TRIM14: variants seen among roughly 807,000 people sequenced by gnomAD.
TRIM14 encodes tripartite motif-containing protein 14.
In TRIM14, 28 loss-of-function variants were observed where a neutral mutation model predicts 44.5. That is an observed-to-expected ratio of 0.63 (90% CI 0.47 to 0.86). The LOEUF (loss-of-function observed/expected upper bound fraction) is 0.86. Among genes scored for constraint, TRIM14 ranks in the 40% least tolerant of loss-of-function variants. TRIM14 has a pLI of 0.00. For missense variants in TRIM14, 607 were observed against 611.1 expected (o/e 0.99, Z 0.07); for synonymous variants, 299 against 269.2 (o/e 1.11, Z -1.08).
chr9:98,108,765 T>G (rs952855424), intron 2 of TRIM14, among the ~76,000 whole-genome samples: 1 of 151,924 alleles, frequency 6.6e-6, no homozygotes, highest in Non-Finnish European at 1.5e-5. Flanking sequence ...GAATGGACTT[T>G]AGGCAAATGT....
At chr9:98,109,081 A>T (rs900039732) in intron 2 of TRIM14, among the ~76,000 whole-genome samples, 31 of 152,064 alleles carry the variant, frequency 2.0e-4, no homozygotes, top group African/African-American at 7.2e-4. Flanking sequence ...TGGGAGTCTC[A>T]CTATCTTGCC....
chr9:98,067,727 T>C (rs9918964), downstream of TRIM14, among the ~76,000 whole-genome samples: 266 of 150,692 alleles, frequency 1.8e-3, 3 homozygotes, highest in African/African-American at 6.3e-3. Flanking sequence ...TTCACTTTCT[T>C]TTTTTTTTGT....
At chr9:98,049,211 G>A in the TRIM14 span, among the ~76,000 whole-genome samples, 48 of 151,460 alleles carry the variant, frequency 3.2e-4, 1 homozygote, top group East Asian at 5.4e-3. Context: ...GCGTGGTAGC[G>A]CATGCCTGTA....
At chr9:98,056,852 G>C in the TRIM14 span, 1 of 1,612,236 alleles carries the variant, frequency 6.2e-7, no homozygotes, top group South Asian at 1.1e-5. Flanking sequence ...TGGGTGGGCG[G>C]GCAACACCCG....
chr9:98,048,488 A>G, the TRIM14 span, among the ~76,000 whole-genome samples: 2 of 152,230 alleles, frequency 1.3e-5, no homozygotes, highest in Non-Finnish European at 2.9e-5. Flanking sequence ...ATGTTTATAT[A>G]AAAGAGCTCT....
At chr9:98,090,842 G>A (rs984475277) in intron 5 of TRIM14, among the ~76,000 whole-genome samples, 6 of 152,154 alleles carry the variant, frequency 3.9e-5, no homozygotes, top group Non-Finnish European at 7.3e-5. Context: ...GGGATTACAG[G>A]TGTGAGCCAC....
intron 1 of TRIM14, among the ~76,000 whole-genome samples, chr9:98,111,807 G>A (rs1252761970): frequency 3.3e-5 from 5 of 151,636 alleles, no homozygotes; most frequent in East Asian, 2.0e-4. Flanking sequence ...GCATGGTGGC[G>A]CATGCCTGTA....
chr9:98,094,637 G>A (rs1292339094), intron 4 of TRIM14, among the ~76,000 whole-genome samples: 1 of 152,214 alleles, frequency 6.6e-6, no homozygotes, highest in African/African-American at 2.4e-5. Context: ...GCAATCTGAG[G>A]GGCAGAAGCA....
chr9:98,057,036 A>C, the TRIM14 span: 1 of 1,410,084 alleles, frequency 7.1e-7, no homozygotes. Context: ...GCGGCTGGGT[A>C]CCCTGGTCCG....
chr9:98,116,827 G>C (rs1242092539), intron 1 of TRIM14, among the ~76,000 whole-genome samples: 1 of 144,840 alleles, frequency 6.9e-6, no homozygotes, highest in Non-Finnish European at 1.5e-5. Flanking sequence ...CTGGGTGACA[G>C]AGTGAGACCC....
chr9:98,066,692 C>T (rs1829158743), downstream of TRIM14, among the ~76,000 whole-genome samples: 3 of 151,844 alleles, frequency 2.0e-5, no homozygotes, highest in Non-Finnish European at 4.4e-5. Flanking sequence ...GCTCTATTGC[C>T]CAGGCTGGAG....
In TRIM14 at chr9:98,095,262, TC is replaced by T. The variant is rs1826145270; in HGVS notation, c.538-234del. Among the ~76,000 whole-genome samples the T allele has an allele frequency of 6.6e-6, 1 of 152,178 alleles. No homozygotes were observed. The highest frequency in any genetic ancestry group is 2.4e-5 in the African/African-American group (1 of 41,428). ...GTTTTTCAGTGCTGGCACTGGGGAT[TC>T]CTCCCTCTCCATCCTTCCTCCTTTC... is the stretch of plus-strand genomic sequence containing the variant. On this transcript the variant is annotated intron_variant, in intron 3 of 5. Transcript: ENST00000341469. This position sits in a 1 kb window ranked among gnomAD's most constrained non-coding sequence, Gnocchi z 4.1.
chr9:98,061,270 A>C, the TRIM14 span: 1 of 396,272 alleles, frequency 2.5e-6, no homozygotes, highest in South Asian at 2.9e-5. Context: ...TGAGGTCAGG[A>C]GTTCGAGACC....
downstream of TRIM14, among the ~76,000 whole-genome samples, chr9:98,067,771 G>A (rs1401084140): frequency 6.6e-6 from 1 of 151,760 alleles, no homozygotes; most frequent in Non-Finnish European, 1.5e-5. Context: ...CCAGGCTGGA[G>A]TGCAGAGTGG....
At chr9:98,078,745 G>T (rs1004367864) in intron 6 of TRIM14, among the ~76,000 whole-genome samples, 3 of 149,398 alleles carry the variant, frequency 2.0e-5, no homozygotes, top group Non-Finnish European at 4.4e-5. Context: ...TGAGGCAGGA[G>T]AATCGCTTGA....
At chr9:98,065,169 G>A (rs182983671), downstream of TRIM14, among the ~76,000 whole-genome samples, 13 of 152,208 alleles carry the variant, frequency 8.5e-5, no homozygotes, top group Admixed American at 2.6e-4. Context: ...CCTTCTGGGC[G>A]TACTCACAGC....
chr9:98,087,902 G>A lies in TRIM14; in HGVS notation c.897C>T (p.Pro299=). 6.4e-7 allele frequency: 1 copy of A among 1,569,678 alleles called. No individual in the cohort carries two copies. Among genetic ancestry groups the A allele is most frequent in the Non-Finnish European group, 8.6e-7 (1 of 1,168,044 alleles). Residue 299 remains proline (P), a synonymous_variant, in exon 6 of 6, where the codon CCC becomes CCT. Transcript: ENST00000341469. ...VRCGLLGSLG[P]VPVLRFDALW... is the part of the protein sequence containing the mutation. ...GCGCGTCGAACCGCAGCACGGGCAC[G>A]GGCCCCAGGCTGCCCAGCAGGCCGC...
At chr9:98,049,736 C>A in the TRIM14 span, among the ~76,000 whole-genome samples, 14 of 152,102 alleles carry the variant, frequency 9.2e-5, no homozygotes, top group Non-Finnish European at 5.9e-5. Context: ...GTGACATGTA[C>A]CCTGTGTCAA....
the TRIM14 span, among the ~76,000 whole-genome samples, chr9:98,059,782 T>C: frequency 4.6e-5 from 7 of 152,094 alleles, no homozygotes; most frequent in African/African-American, 1.7e-4. Flanking sequence ...TTGCCTCTGC[T>C]CAGTAGAAGT....
Sources: gnomAD v4.1 joint callset for allele counts (sites outside exome capture counted in the v4.1 genomes callset) on GRCh38, gnomAD v4.1.1 for gene constraint, Gnocchi (gnomAD v3.1) non-coding constraint, MANE v1.5 for transcripts, NCBI Gene and HGNC (gene_info 2026-07-23, HGNC 2026-07-21) for gene names.